CALCR: variants seen among roughly 807,000 people sequenced by gnomAD.
CALCR encodes the protein calcitonin receptor.
Under a neutral mutation model 59.5 loss-of-function variants are expected in CALCR, and 47 were observed. The ratio of observed to expected loss-of-function variants is 0.79; its 90% CI spans 0.63 to 1.01. The LOEUF is 1.01. Among genes scored for constraint, CALCR ranks in the 50% least tolerant of loss-of-function variants. The probability of loss-of-function intolerance (pLI) is 0.00; values close to 1 mark genes in which losing one functional copy is unlikely to be tolerated. For missense variants in CALCR, 566 were observed against 597.1 expected, an observed-to-expected ratio of 0.95 and a Z score of 0.54; for synonymous variants, 213 against 211.3, an observed-to-expected ratio of 1.01 and a Z score of -0.07.
At chr7:93,432,860 G>C (rs913876507) in intron 13 of CALCR, among the ~76,000 whole-genome samples, 1 of 151,894 alleles carries the variant, frequency 6.6e-6, no homozygotes, top group Admixed American at 6.6e-5. Context: ...ATAAACACGG[G>C]GTGACTTACG....
chr7:93,556,763 A>G (rs1789617659), intron 2 of CALCR, among the ~76,000 whole-genome samples: 1 of 152,078 alleles, frequency 6.6e-6, no homozygotes, highest in Admixed American at 6.6e-5. Context: ...TTCTTTTGAA[A>G]TAGGTGTATG....
chr7:93,459,963 C>T (rs1246187928), intron 8 of CALCR, among the ~76,000 whole-genome samples: 3 of 152,140 alleles, frequency 2.0e-5, no homozygotes, highest in African/African-American at 7.2e-5. Flanking sequence ...GTTGCCCTAA[C>T]TTTTGCATTT....
chr7:93,540,658 C>T (rs1789108246), intron 2 of CALCR, among the ~76,000 whole-genome samples: 2 of 140,140 alleles, frequency 1.4e-5, no homozygotes, highest in South Asian at 4.8e-4. Flanking sequence ...TATGCTCAAA[C>T]TTTATGACAG....
At chr7:93,530,922 G>C (rs1788817549) in intron 2 of CALCR, among the ~76,000 whole-genome samples, 1 of 151,928 alleles carries the variant, frequency 6.6e-6, no homozygotes, top group South Asian at 2.1e-4. Flanking sequence ...AAATTCTCTG[G>C]CATCACTCCA....
intron 2 of CALCR, among the ~76,000 whole-genome samples, chr7:93,542,234 G>C (rs1444245017): frequency 6.6e-6 from 1 of 152,162 alleles, no homozygotes; most frequent in Non-Finnish European, 1.5e-5. Context: ...ACACACCTTG[G>C]TTGGATGGGA....
intron 2 of CALCR, among the ~76,000 whole-genome samples, chr7:93,490,805 C>T (rs1385544090): frequency 2.0e-5 from 3 of 151,882 alleles, no homozygotes; most frequent in Non-Finnish European, 4.4e-5. Context: ...TAGGAAGAAT[C>T]GATATCGTGA....
In CALCR at chr7:93,438,209, C is replaced by T. The variant is rs781532056; in HGVS notation, c.863+1G>A. ...AACTTAAACATCACCATAATACTTA[C>T]TTGTCATTGAAGTACACGGCCCTGG... On this transcript the variant is annotated splice_donor_variant, in intron 10 of 13. Coordinates refer to ENST00000426151, the MANE Select transcript of CALCR (RefSeq NM_001742.4). LOFTEE classifies it high-confidence loss of function. 9 of 1,612,692 alleles carry T rather than the reference C, an allele frequency of 5.6e-6. No homozygotes were observed. Among genetic ancestry groups the T allele is most frequent in the Non-Finnish European group, 7.6e-6 (9 of 1,178,756 alleles).
At chr7:93,541,077 G>A (rs773160867) in intron 2 of CALCR, among the ~76,000 whole-genome samples, 4 of 152,020 alleles carry the variant, frequency 2.6e-5, no homozygotes, top group African/African-American at 7.3e-5. Context: ...TGATTGCCAC[G>A]CAAATGCACT....
At chr7:93,477,976 A>ATAAAAAT (rs1396444178) in intron 4 of CALCR, among the ~76,000 whole-genome samples, 9 of 149,120 alleles carry the variant, frequency 6.0e-5, no homozygotes, top group African/African-American at 2.2e-4. Context: ...AAAAAAAAAA[A>ATAAAAAT]AAAAAAAAAA....
chr7:93,435,842 A>G (rs1584534589), intron 12 of CALCR, 110 bp downstream of exon 12: 2 of 397,026 alleles, frequency 5.0e-6, no homozygotes, highest in East Asian at 4.2e-5. Context: ...AAATAAATAA[A>G]TAAATAAACA....
At chr7:93,467,354 C>T (rs73421307) in intron 7 of CALCR, among the ~76,000 whole-genome samples, 2,044 of 151,614 alleles carry the variant, frequency 0.013, 41 homozygotes, top group African/African-American at 0.047. Flanking sequence ...ATTTGCTATC[C>T]AGTTAAAAAT....
At chr7:93,488,577 G>A (rs1801000388) in intron 2 of CALCR, among the ~76,000 whole-genome samples, 1 of 28,960 alleles carries the variant, frequency 3.5e-5, no homozygotes, top group Non-Finnish European at 6.5e-5. Flanking sequence ...CCAAGCAAAT[G>A]GAAAGAAAAA....
intron 2 of CALCR, among the ~76,000 whole-genome samples, chr7:93,487,839 C>T (rs539366477): frequency 1.5e-4 from 23 of 150,736 alleles, no homozygotes; most frequent in Non-Finnish European, 3.1e-4. Flanking sequence ...ATTTACCTAT[C>T]CTTTATCCAG....
intron 7 of CALCR, among the ~76,000 whole-genome samples, chr7:93,463,250 T>C (rs1800375216): frequency 1.3e-5 from 2 of 151,770 alleles, no homozygotes; most frequent in Non-Finnish European, 2.9e-5. Flanking sequence ...ATAAACAGTA[T>C]ATATATATTT....
At chr7:93,509,801 T>C (rs1471214358) in intron 2 of CALCR, among the ~76,000 whole-genome samples, 1 of 152,052 alleles carries the variant, frequency 6.6e-6, no homozygotes, top group Non-Finnish European at 1.5e-5. Context: ...ATTATGAAAA[T>C]CTAAATACAG....
At chr7:93,457,929 C>T (rs946660256) in intron 8 of CALCR, among the ~76,000 whole-genome samples, 3 of 152,068 alleles carry the variant, frequency 2.0e-5, no homozygotes, top group South Asian at 2.1e-4. Context: ...GGATTTGAAT[C>T]CCATCTCTAA....
chr7:93,540,293 T>G (rs1216453104), intron 2 of CALCR, among the ~76,000 whole-genome samples: 4 of 152,230 alleles, frequency 2.6e-5, no homozygotes, highest in Non-Finnish European at 2.9e-5. Flanking sequence ...TCCGTATGTA[T>G]GGCAGGTAAA....
intron 2 of CALCR, among the ~76,000 whole-genome samples, chr7:93,488,653 T>TA (rs924712900): frequency 8.8e-5 from 10 of 113,470 alleles, no homozygotes; most frequent in Non-Finnish European, 1.7e-4. Context: ...ACCAACAAGA[T>TA]AAAAAAAAAG....
At chr7:93,537,799 A>G (rs1789031657) in intron 2 of CALCR, among the ~76,000 whole-genome samples, 1 of 151,826 alleles carries the variant, frequency 6.6e-6, no homozygotes, top group Non-Finnish European at 1.5e-5. Flanking sequence ...TCCTATAAAA[A>G]GTTAAACTAC....
Sources: gnomAD v4.1 joint callset for allele counts (sites outside exome capture counted in the v4.1 genomes callset) on GRCh38, gnomAD v4.1.1 for gene constraint, MANE v1.5 for transcripts, NCBI Gene and HGNC (gene_info 2026-07-23, HGNC 2026-07-21) for gene names.